Variants in NRXN3 observed in about 807,000 individuals in gnomAD.
NRXN3 encodes neurexin III.
Under a neutral mutation model 137.6 loss-of-function variants are expected in NRXN3, and 32 were observed. That is an observed-to-expected ratio of 0.23 (90% confidence interval 0.18 to 0.31). NRXN3 has a LOEUF of 0.31. NRXN3 is among the 10% of genes least tolerant of loss of function. NRXN3 has a pLI of 1.00. For missense variants in NRXN3, 1,574 were observed against 2,062.5 expected, an observed-to-expected ratio of 0.76 and a Z score of 4.59; for synonymous variants, 798 against 784.5, an observed-to-expected ratio of 1.02 and a Z score of -0.29.
chr14:79,769,490 C>T (rs1236268478), intron 19 of NRXN3, among the ~76,000 whole-genome samples: 1 of 151,980 alleles, frequency 6.6e-6, no homozygotes, highest in Admixed American at 6.6e-5. Flanking sequence ...AAGAAAAGAA[C>T]TTTCAACCCA....
intron 2 of NRXN3, among the ~76,000 whole-genome samples, chr14:78,268,527 T>G (rs2072190975): frequency 6.6e-6 from 1 of 152,208 alleles, no homozygotes; most frequent in South Asian, 2.1e-4. Context: ...ACTGATTTCT[T>G]GAAATTTGTC....
intron 6 of NRXN3, among the ~76,000 whole-genome samples, chr14:78,684,052 T>C (rs1445266621): frequency 6.6e-6 from 1 of 152,184 alleles, no homozygotes; most frequent in Non-Finnish European, 1.5e-5. Context: ...TACTTGGAGA[T>C]CATATTGTCT....
chr14:78,509,830 C>T (rs781408237), intron 4 of NRXN3, among the ~76,000 whole-genome samples: 2 of 152,066 alleles, frequency 1.3e-5, no homozygotes, highest in African/African-American at 4.8e-5. Context: ...AGCCCAGATT[C>T]TCAGACAAAC....
At chr14:78,222,516 A>T (rs2153426106) in intron 1 of NRXN3, among the ~76,000 whole-genome samples, 1 of 152,176 alleles carries the variant, frequency 6.6e-6, no homozygotes, top group African/African-American at 2.4e-5. Flanking sequence ...CCCGGGGAGG[A>T]GATAGTTTTA....
chr14:78,848,156 G>A (rs952317018), intron 10 of NRXN3, among the ~76,000 whole-genome samples: 2 of 152,068 alleles, frequency 1.3e-5, no homozygotes, highest in African/African-American at 4.8e-5. Flanking sequence ...GGTATCTGTT[G>A]CTAGTTTATC....
chr14:79,357,388 C>A (rs1209320297), intron 15 of NRXN3, among the ~76,000 whole-genome samples: 1 of 151,788 alleles, frequency 6.6e-6, no homozygotes, highest in Non-Finnish European at 1.5e-5. Flanking sequence ...CAAAGCAAAC[C>A]AACATTATTA....
At position 78,299,056 on chromosome 14, in the gene NRXN3, A is replaced by G. The variant is rs139974220; in HGVS notation, c.757+1196A>G. ...AACTGACAAAGCAGGGTAAGGAGGAAGCCTACTTTTCCAATGTAAATGTAT... is the reference window on the plus strand; with the variant it reads ...AACTGACAAAGCAGGGTAAGGAGGAGGCCTACTTTTCCAATGTAAATGTAT... On this transcript the variant is annotated intron_variant, in intron 4 of 20. Coordinates refer to ENST00000335750, the MANE Select transcript of NRXN3 (RefSeq NM_001330195.2). Among the ~76,000 whole-genome samples the G allele has an allele frequency of 5.3e-5, 8 of 152,328 alleles. No homozygotes were observed. In the East Asian group the frequency reaches 1.5e-3, roughly 29 times the overall value.
chr14:79,327,557 CTGTT>C (rs2091076368), intron 15 of NRXN3, among the ~76,000 whole-genome samples: 1 of 152,158 alleles, frequency 6.6e-6, no homozygotes, highest in African/African-American at 2.4e-5. Flanking sequence ...TGCCAGGCCT[CTGTT>C]TGTCCAGTTT....
At chr14:79,217,903 T>C (rs930253708) in intron 15 of NRXN3, among the ~76,000 whole-genome samples, 1 of 152,338 alleles carries the variant, frequency 6.6e-6, no homozygotes, top group African/African-American at 2.4e-5. Flanking sequence ...ATGACTGAAA[T>C]TTTATCAATA....
At chr14:79,318,562 C>T (rs141627824) in intron 15 of NRXN3, among the ~76,000 whole-genome samples, 52 of 152,286 alleles carry the variant, frequency 3.4e-4, no homozygotes, top group African/African-American at 1.2e-3. Context: ...TAACAGTTGC[C>T]AACCTTGAGC....
chr14:79,624,807 G>GTTT (rs757250476), intron 16 of NRXN3, among the ~76,000 whole-genome samples: 2 of 122,768 alleles, frequency 1.6e-5, no homozygotes, highest in African/African-American at 7.0e-5. Context: ...TTTTTTGTTT[G>GTTT]TTTTTGTTTT....
At chr14:79,029,804 T>C (rs1402472730) in intron 15 of NRXN3, among the ~76,000 whole-genome samples, 4 of 152,004 alleles carry the variant, frequency 2.6e-5, no homozygotes, top group African/African-American at 7.2e-5. Context: ...GGATAATTCT[T>C]TGGGGCAATT....
chr14:79,396,386 T>C (rs989502357), intron 15 of NRXN3, among the ~76,000 whole-genome samples: 2 of 152,184 alleles, frequency 1.3e-5, no homozygotes, highest in Non-Finnish European at 2.9e-5. Context: ...AGCCTAAGTT[T>C]GGGGTGGAAC....
intron 6 of NRXN3, among the ~76,000 whole-genome samples, chr14:78,707,017 A>G (rs2098358884): frequency 6.6e-6 from 1 of 152,134 alleles, no homozygotes; most frequent in African/African-American, 2.4e-5. Context: ...TGTTTTGGAG[A>G]TGATAATGCA....
chr14:78,793,178 A>C (rs1374874428), intron 8 of NRXN3, among the ~76,000 whole-genome samples: 1 of 152,146 alleles, frequency 6.6e-6, no homozygotes, highest in Non-Finnish European at 1.5e-5. Context: ...ACAAAAATAA[A>C]AAACAACCTG....
chr14:79,690,897 T>A (rs1489513654), intron 17 of NRXN3, among the ~76,000 whole-genome samples: 1 of 152,144 alleles, frequency 6.6e-6, no homozygotes, highest in African/African-American at 2.4e-5. Context: ...GCTTTTAGAA[T>A]TCTTTGTAAA....
chr14:78,589,137 C>A (rs1175223985), intron 4 of NRXN3, among the ~76,000 whole-genome samples: 1 of 152,176 alleles, frequency 6.6e-6, no homozygotes, highest in Non-Finnish European at 1.5e-5. Flanking sequence ...CAGATCTAGG[C>A]TGCCAGCCAG....
chr14:79,740,172 A>G (rs543340121), intron 19 of NRXN3, among the ~76,000 whole-genome samples: 38 of 152,254 alleles, frequency 2.5e-4, no homozygotes, highest in African/African-American at 8.9e-4. Flanking sequence ...ATATTCAGTC[A>G]ACTGACAGTA....
intron 15 of NRXN3, among the ~76,000 whole-genome samples, chr14:79,380,474 T>G (rs957179158): frequency 6.6e-6 from 1 of 152,004 alleles, no homozygotes; most frequent in Admixed American, 6.6e-5. Context: ...TGCGATAGTT[T>G]ACTGAGGATG....
Sources: allele counts gnomAD v4.1 joint callset (sites outside exome capture counted in the v4.1 genomes callset), GRCh38; gene constraint gnomAD v4.1.1; transcripts MANE v1.5; gene names NCBI Gene and HGNC (gene_info 2026-07-23, HGNC 2026-07-21).